The following GRM4 variants were observed in gnomAD, a reference collection of about 807,000 sequenced individuals.
The protein encoded by GRM4 is metabotropic glutamate receptor 4.
GRM4 carries 28 observed loss-of-function variants against 81.7 expected under a neutral mutation model. That is an observed-to-expected ratio of 0.34 (90% confidence interval 0.25 to 0.47). The LOEUF (loss-of-function observed/expected upper bound fraction) is 0.47. Ranked by LOEUF, GRM4 falls within the 20% of genes least tolerant of loss-of-function variation. The probability of loss-of-function intolerance (pLI) is 1.00; values close to 1 mark genes in which losing one functional copy is unlikely to be tolerated. For synonymous variants in GRM4, 488 were observed against 528.8 expected (o/e 0.92, Z 1.06); for missense variants, 948 against 1,290.0 (o/e 0.73, Z 4.06).
upstream of GRM4, among the ~76,000 whole-genome samples, chr6:34,146,747 C>T (rs546204035): frequency 6.6e-6 from 1 of 152,370 alleles, no homozygotes; most frequent in Admixed American, 6.5e-5. Flanking sequence ...CCCGGCTGAC[C>T]TGCCAAGTGC....
chr6:34,042,433 G>T lies in GRM4; in HGVS notation c.1169-1685C>A, dbSNP rs1329327943. Reference sequence around the variant, plus strand: ...GAGGGGACCAGGGATCTGAAGTGAGGACATGGCAGGAGGATGGCTGGGAGG... The same window carrying T: ...GAGGGGACCAGGGATCTGAAGTGAGTACATGGCAGGAGGATGGCTGGGAGG... On this transcript the variant is annotated intron_variant, in intron 6 of 10. Coordinates refer to ENST00000538487, the MANE Select transcript of GRM4 (RefSeq NM_000841.4). This position sits in a 1 kb window ranked among gnomAD's most constrained non-coding sequence, Gnocchi z 4.2. Among the ~76,000 whole-genome samples the T allele has an allele frequency of 6.6e-6, 1 of 152,182 alleles. No individual in the cohort carries two copies. Among genetic ancestry groups the T allele is most frequent in the Non-Finnish European group, 1.5e-5 (1 of 68,028 alleles).
chr6:34,079,555 AG>A (rs34184779), intron 3 of GRM4, among the ~76,000 whole-genome samples: 38,741 of 152,106 alleles, frequency 0.25, 7,958 homozygotes, highest in African/African-American at 0.56. Context: ...AACAAAACCA[AG>A]GGGAAGAGAC....
chr6:34,066,040 T>A (rs567266464), intron 3 of GRM4, among the ~76,000 whole-genome samples: 1 of 152,148 alleles, frequency 6.6e-6, no homozygotes, highest in Non-Finnish European at 1.5e-5. Flanking sequence ...AACCGACTTA[T>A]GCTTGGCCCC....
exon 1 of GRM4, chr6:34,155,399 T>C: frequency 1.4e-6 from 2 of 1,479,136 alleles, no homozygotes; most frequent in Non-Finnish European, 1.8e-6. Flanking sequence ...ATCCTCCCAC[T>C]CTCAGCATCT....
chr6:34,039,565 G>T (rs1033965173), intron 8 of GRM4, among the ~76,000 whole-genome samples: 5 of 152,214 alleles, frequency 3.3e-5, no homozygotes, highest in Non-Finnish European at 7.3e-5. Flanking sequence ...TCACAGCTGG[G>T]ATACTGAGGG....
rs1163719417 is a variant in GRM4, at chr6:34,070,692, G to GC, written c.737-8665dup. ...CAGGGCTGGGGAGGTCTACAGCTGG[G>GC]CGGGGGGACCAGGGCACCAGGATTA... On this transcript the variant is annotated intron_variant, in intron 3 of 10. Coordinates refer to ENST00000538487, the MANE Select transcript of GRM4 (RefSeq NM_000841.4). This position sits in a 1 kb window ranked among gnomAD's most constrained non-coding sequence, Gnocchi z 4.6. 6.6e-6 allele frequency among the ~76,000 whole-genome samples: 1 copy of GC among 151,696 alleles called. No homozygotes were observed. Among genetic ancestry groups the GC allele is most frequent in the Non-Finnish European group, 1.5e-5 (1 of 67,900 alleles).
At chr6:34,128,148 G>A (rs140874419) in intron 2 of GRM4, among the ~76,000 whole-genome samples, 5 of 152,292 alleles carry the variant, frequency 3.3e-5, no homozygotes, top group East Asian at 1.9e-4. Flanking sequence ...TGCTGCACTC[G>A]TGGCAGGAAG....
intron 10 of GRM4, among the ~76,000 whole-genome samples, chr6:34,027,558 C>T (rs941037578): frequency 4.6e-5 from 7 of 152,220 alleles, no homozygotes; most frequent in East Asian, 1.9e-4. Context: ...GCCCATGTCC[C>T]GGGTCCCCAT....
At chr6:34,149,853 G>GACA (rs1385676858), upstream of GRM4, among the ~76,000 whole-genome samples, 6 of 152,282 alleles carry the variant, frequency 3.9e-5, no homozygotes, top group East Asian at 1.2e-3. Flanking sequence ...GAAATGCTCT[G>GACA]AAAGCCACAA....
intron 2 of GRM4, among the ~76,000 whole-genome samples, chr6:34,113,340 T>TG (rs1046289076): frequency 3.3e-5 from 5 of 152,016 alleles, no homozygotes; most frequent in African/African-American, 1.2e-4. Flanking sequence ...TTTGCAGAGA[T>TG]GGGGTCTCAC....
At chr6:34,028,005 C>T in intron 10 of GRM4, 115 bp downstream of exon 10, 3 of 1,227,776 alleles carry the variant, frequency 2.4e-6, no homozygotes, top group South Asian at 1.5e-5. Flanking sequence ...CCGCCGCCTC[C>T]CCAGGATGGG....
chr6:34,104,921 C>G lies in GRM4; in HGVS notation c.520-12822G>C, dbSNP rs78768955. ...TCACACAGGCCGTGGGAGGCAGGGG[C>G]GGGGCTGGGAAAACCTCAGTGTAGC... On this transcript the variant is annotated intron_variant, in intron 2 of 10. Coordinates refer to ENST00000538487, the MANE Select transcript of GRM4 (RefSeq NM_000841.4). 1.6e-3 allele frequency among the ~76,000 whole-genome samples: 248 copies of G among 152,190 alleles called. 3 individuals carry two copies. The East Asian group carries it at 0.016, about 10-fold the overall frequency.
intron 1 of GRM4, among the ~76,000 whole-genome samples, chr6:34,153,925 C>CAAAA (rs3041982): frequency 3.1e-5 from 4 of 129,468 alleles, no homozygotes; most frequent in African/African-American, 5.6e-5. Flanking sequence ...GACTCTGTCT[C>CAAAA]AAAAAAAAAA....
intron 2 of GRM4, among the ~76,000 whole-genome samples, chr6:34,108,338 C>G (rs998961817): frequency 1.7e-4 from 26 of 152,264 alleles, no homozygotes; most frequent in African/African-American, 6.0e-4. Flanking sequence ...GCTCTCAGCA[C>G]TGCTTACGCA....
chr6:34,129,675 T>C (rs1770159757), intron 2 of GRM4, among the ~76,000 whole-genome samples: 1 of 152,284 alleles, frequency 6.6e-6, no homozygotes, highest in African/African-American at 2.4e-5. Context: ...AGCTGTCTCT[T>C]GAGCAGGCAG....
intron 3 of GRM4, among the ~76,000 whole-genome samples, chr6:34,065,049 AGAAT>A (rs1417837272): frequency 6.6e-5 from 10 of 152,138 alleles, no homozygotes; most frequent in Non-Finnish European, 1.3e-4. Context: ...GCAGCCACTG[AGAAT>A]AAAGGGGCAG....
rs1239240407 is a variant in GRM4, at chr6:34,133,352, T to C, written c.145A>G (p.Ile49Val). The change falls in exon 2 of 11, where the codon ATC becomes GTC. Residue 49 changes from isoleucine to valine, a missense_variant. By Grantham distance (29) the Ile-to-Val change is conservative (BLOSUM62 3). Transcript: ENST00000538487. The surrounding 1 kb of genome is among the most constrained non-coding windows in gnomAD (Gnocchi z 6.5). ...HMNSIRIDGD[I>V]TLGGLFPVHG... Reference sequence around the variant, plus strand: ...ACCGGGAACAGGCCTCCCAGTGTGATGTCCCCATCTATGCGGATGGAATTC... The same window carrying C: ...ACCGGGAACAGGCCTCCCAGTGTGACGTCCCCATCTATGCGGATGGAATTC... The C allele has an allele frequency of 1.9e-6, 3 of 1,613,964 alleles. No homozygotes were observed. Among genetic ancestry groups the C allele is most frequent in the East Asian group, 2.2e-5 (1 of 44,898 alleles).
At chr6:34,099,615 T>G (rs553558048) in intron 2 of GRM4, among the ~76,000 whole-genome samples, 7 of 152,240 alleles carry the variant, frequency 4.6e-5, no homozygotes, top group African/African-American at 1.4e-4. Flanking sequence ...CCATCCCTGA[T>G]GCGCACCGCT....
chr6:34,047,542 G>A lies in GRM4; in HGVS notation c.1169-6794C>T, dbSNP rs927644896. 3.3e-5 allele frequency among the ~76,000 whole-genome samples: 5 copies of A among 152,164 alleles called. No homozygotes were observed. The highest frequency in any genetic ancestry group is 1.3e-4 in the Admixed American group (2 of 15,282). On this transcript the variant is annotated intron_variant, in intron 6 of 10. Transcript: ENST00000538487. The surrounding 1 kb of genome is among the most constrained non-coding windows in gnomAD (Gnocchi z 4.5). ...CACGCTTGCTTTTCAGCCCTATACCGCAGTTTTGCCGGCCCCCTCCTCTCG... is the reference window on the plus strand; with the variant it reads ...CACGCTTGCTTTTCAGCCCTATACCACAGTTTTGCCGGCCCCCTCCTCTCG...
Sources: allele counts gnomAD v4.1 joint callset (sites outside exome capture counted in the v4.1 genomes callset), GRCh38; gene constraint gnomAD v4.1.1; non-coding constraint Gnocchi (gnomAD v3.1); transcripts MANE v1.5; gene names NCBI Gene and HGNC (gene_info 2026-07-23, HGNC 2026-07-21).